Variants in CSTPP1 observed in about 807,000 individuals in gnomAD.
The protein encoded by CSTPP1 is UPF0705 protein C11orf49.
the CSTPP1 span, among the ~76,000 whole-genome samples, chr11:46,978,436 C>T: frequency 6.6e-6 from 1 of 152,084 alleles, no homozygotes; most frequent in African/African-American, 2.4e-5. Flanking sequence ...TTATGTTGTT[C>T]TAGTAAAACA....
chr11:46,956,367 A>G, the CSTPP1 span, among the ~76,000 whole-genome samples: 9 of 152,346 alleles, frequency 5.9e-5, no homozygotes, highest in African/African-American at 2.2e-4. Flanking sequence ...TTTTCTCTCA[A>G]TACAAAAAGA....
chr11:46,972,007 A>G, the CSTPP1 span, among the ~76,000 whole-genome samples: 1 of 152,184 alleles, frequency 6.6e-6, no homozygotes. Context: ...TTATAATGTC[A>G]AAAAAATGAA....
chr11:47,082,121 G>T, the CSTPP1 span, among the ~76,000 whole-genome samples: 1 of 141,194 alleles, frequency 7.1e-6, no homozygotes, highest in South Asian at 2.3e-4. Flanking sequence ...CTGCACTCCC[G>T]CCTGGGAGAC....
At chr11:47,122,091 A>AAAAAAAAT in the CSTPP1 span, among the ~76,000 whole-genome samples, 61 of 31,832 alleles carry the variant, frequency 1.9e-3, 1 homozygote, top group African/African-American at 2.8e-3. Flanking sequence ...AAAAAAAAAA[A>AAAAAAAAT]ATATATATAT....
At chr11:46,965,232 TA>T in the CSTPP1 span, among the ~76,000 whole-genome samples, 14,270 of 132,166 alleles carry the variant, frequency 0.11, 3,821 homozygotes, top group African/African-American at 0.48. Flanking sequence ...TTTTTTTTTT[TA>T]TTTTTTTTTG....
At chr11:47,133,261 G>A in the CSTPP1 span, among the ~76,000 whole-genome samples, 13 of 152,326 alleles carry the variant, frequency 8.5e-5, no homozygotes, top group South Asian at 2.5e-3. Context: ...GCAAGGCTTA[G>A]AAGAAGAAAG....
chr11:46,976,393 TCACACACA>T, the CSTPP1 span, among the ~76,000 whole-genome samples: 248 of 148,778 alleles, frequency 1.7e-3, 1 homozygote, highest in East Asian at 2.4e-3. Context: ...TAGGTTTCAG[TCACACACA>T]CACACACACA....
chr11:47,004,900 A>G, the CSTPP1 span, among the ~76,000 whole-genome samples: 1 of 152,218 alleles, frequency 6.6e-6, no homozygotes, highest in South Asian at 2.1e-4. Context: ...CAGCCTCTGA[A>G]CAGTTGGAAT....
chr11:47,152,194 G>C, the CSTPP1 span, among the ~76,000 whole-genome samples: 3 of 151,460 alleles, frequency 2.0e-5, no homozygotes, highest in Admixed American at 2.0e-4. Context: ...AGGTTGCAGT[G>C]AGCCGATCTG....
the CSTPP1 span, among the ~76,000 whole-genome samples, chr11:47,119,283 C>T: frequency 6.6e-6 from 1 of 152,282 alleles, no homozygotes; most frequent in Non-Finnish European, 1.5e-5. Context: ...AGAGAATCAC[C>T]TTGTCTGCCA....
At chr11:47,062,014 A>G in the CSTPP1 span, among the ~76,000 whole-genome samples, 2 of 151,716 alleles carry the variant, frequency 1.3e-5, no homozygotes, top group African/African-American at 2.4e-5. Context: ...AAGCTCCTCA[A>G]CCCTCCATAC....
At chr11:47,066,101 T>TGTTG in the CSTPP1 span, among the ~76,000 whole-genome samples, 1 of 133,902 alleles carries the variant, frequency 7.5e-6, no homozygotes, top group African/African-American at 2.8e-5. Context: ...GGGTTTTTTT[T>TGTTG]TTTTTTTTTT....
the CSTPP1 span, among the ~76,000 whole-genome samples, chr11:47,027,090 C>T: frequency 2.5e-4 from 38 of 152,158 alleles, no homozygotes; most frequent in Admixed American, 7.2e-4. Context: ...CAGTGCTCGG[C>T]GCATTGATTT....
chr11:47,161,595 A>T, the CSTPP1 span: 1 of 1,613,976 alleles, frequency 6.2e-7, no homozygotes, highest in Non-Finnish European at 8.5e-7. Context: ...GTGGATGGAG[A>T]GAGTGATGGC....
the CSTPP1 span, among the ~76,000 whole-genome samples, chr11:47,091,865 C>G: frequency 6.6e-6 from 1 of 152,214 alleles, no homozygotes; most frequent in Non-Finnish European, 1.5e-5. Context: ...GAAACTGATT[C>G]TCCCCTAGAA....
chr11:47,013,193 G>A, the CSTPP1 span, among the ~76,000 whole-genome samples: 1 of 147,974 alleles, frequency 6.8e-6, no homozygotes, highest in Non-Finnish European at 1.5e-5. Context: ...ATAACCATAT[G>A]TAGTTATATA....
At chr11:46,980,765 G>GA in the CSTPP1 span, among the ~76,000 whole-genome samples, 1 of 151,682 alleles carries the variant, frequency 6.6e-6, no homozygotes, top group Admixed American at 6.6e-5. Context: ...TCAAGAAGAA[G>GA]AAAAAAAGAC....
At chr11:47,042,491 AGAGT>A in the CSTPP1 span, among the ~76,000 whole-genome samples, 1 of 152,034 alleles carries the variant, frequency 6.6e-6, no homozygotes, top group African/African-American at 2.4e-5. Context: ...GAGAGAAAAG[AGAGT>A]GAGTGAGAGT....
chr11:47,080,787 T>C, the CSTPP1 span, among the ~76,000 whole-genome samples: 2 of 151,990 alleles, frequency 1.3e-5, no homozygotes, highest in South Asian at 4.2e-4. Flanking sequence ...GGCAGGCAGA[T>C]TGCTTGAGCC....
Sources: gnomAD v4.1 joint callset for allele counts (sites outside exome capture counted in the v4.1 genomes callset) on GRCh38, gnomAD v4.1.1 for gene constraint, MANE v1.5 for transcripts, NCBI Gene and HGNC (gene_info 2026-07-23, HGNC 2026-07-21) for gene names.